The following DCC variants were observed in gnomAD, a reference collection of about 807,000 sequenced individuals.
The protein encoded by DCC is DCC netrin 1 receptor, also known as netrin receptor DCC.
A neutral mutation model predicts 172.5 loss-of-function variants in DCC; 58 were observed. The ratio of observed to expected loss-of-function variants is 0.34; its 90% CI spans 0.27 to 0.42. The LOEUF (loss-of-function observed/expected upper bound fraction) is 0.42. DCC is among the 10% of genes least tolerant of loss of function. The probability of loss-of-function intolerance (pLI) is 1.00; values close to 1 mark genes in which losing one functional copy is unlikely to be tolerated. For missense variants in DCC, 1,740 were observed against 1,791.0 expected, an observed-to-expected ratio of 0.97 and a Z score of 0.51; for synonymous variants, 709 against 644.5, an observed-to-expected ratio of 1.10 and a Z score of -1.52.
intron 26 of DCC, among the ~76,000 whole-genome samples, chr18:53,493,915 T>C (rs1418338727): frequency 6.6e-6 from 1 of 152,234 alleles, no homozygotes; most frequent in African/African-American, 2.4e-5. Context: ...TTAATTGTGA[T>C]GTTATGGTGT....
intron 5 of DCC, among the ~76,000 whole-genome samples, chr18:52,951,864 A>T (rs2040653676): frequency 6.6e-6 from 1 of 152,176 alleles, no homozygotes; most frequent in South Asian, 2.1e-4. Flanking sequence ...TTGGATAGGC[A>T]CCCATGCTTA....
At chr18:52,595,532 T>C (rs1187939159) in intron 1 of DCC, among the ~76,000 whole-genome samples, 1 of 152,186 alleles carries the variant, frequency 6.6e-6, no homozygotes, top group East Asian at 1.9e-4. Flanking sequence ...AAGAAATACA[T>C]TCTTCCCTCA....
At chr18:52,890,917 A>T (rs2039640209) in intron 2 of DCC, among the ~76,000 whole-genome samples, 1 of 152,096 alleles carries the variant, frequency 6.6e-6, no homozygotes, top group African/African-American at 2.4e-5. Context: ...GCTGTTTTAA[A>T]TGTATGTTCT....
intron 1 of DCC, among the ~76,000 whole-genome samples, chr18:52,406,521 G>A (rs1986657678): frequency 6.6e-6 from 1 of 152,066 alleles, no homozygotes; most frequent in Non-Finnish European, 1.5e-5. Context: ...GCCTATGACA[G>A]CATTATTGCT....
intron 10 of DCC, among the ~76,000 whole-genome samples, chr18:53,207,403 G>T (rs983048251): frequency 7.9e-5 from 12 of 152,140 alleles, no homozygotes; most frequent in African/African-American, 2.7e-4. Context: ...TTAGGTGTGG[G>T]TAGAATAACC....
At chr18:53,212,994 A>C (rs1164889970) in intron 11 of DCC, among the ~76,000 whole-genome samples, 2 of 152,084 alleles carry the variant, frequency 1.3e-5, no homozygotes, top group Non-Finnish European at 2.9e-5. Flanking sequence ...CTTAATACAG[A>C]AAACAGCCCT....
intron 1 of DCC, among the ~76,000 whole-genome samples, chr18:52,720,618 C>T (rs1162443773): frequency 6.6e-6 from 1 of 152,204 alleles, no homozygotes; most frequent in Non-Finnish European, 1.5e-5. Context: ...TCTTGGACAA[C>T]AACCTTTGTT....
chr18:52,673,687 G>A (rs1240814412), intron 1 of DCC, among the ~76,000 whole-genome samples: 2 of 152,192 alleles, frequency 1.3e-5, no homozygotes, highest in South Asian at 2.1e-4. Context: ...GACCTTGATG[G>A]TGTAAAGAAG....
intron 5 of DCC, among the ~76,000 whole-genome samples, chr18:53,024,765 T>C (rs989042138): frequency 3.9e-5 from 6 of 152,176 alleles, no homozygotes; most frequent in Non-Finnish European, 8.8e-5. Flanking sequence ...TAGCAAATGT[T>C]AAATTTTTAT....
At chr18:52,804,646 A>T (rs2038055137) in intron 2 of DCC, among the ~76,000 whole-genome samples, 1 of 152,180 alleles carries the variant, frequency 6.6e-6, no homozygotes, top group African/African-American at 2.4e-5. Context: ...CGCTTACTGC[A>T]ACCTCCAACT....
intron 1 of DCC, among the ~76,000 whole-genome samples, chr18:52,750,539 G>A (rs1259480564): frequency 6.6e-6 from 1 of 152,166 alleles, no homozygotes; most frequent in African/African-American, 2.4e-5. Context: ...AGTGGCCAAG[G>A]TGAAAGGAAT....
At chr18:52,669,481 C>A (rs1277988998) in intron 1 of DCC, among the ~76,000 whole-genome samples, 1 of 152,150 alleles carries the variant, frequency 6.6e-6, no homozygotes, top group East Asian at 1.9e-4. Context: ...TCAGCCTATG[C>A]CCAAGAAGGA....
chr18:53,054,373 T>C (rs1479885685), intron 5 of DCC, among the ~76,000 whole-genome samples: 1 of 152,102 alleles, frequency 6.6e-6, no homozygotes, highest in Non-Finnish European at 1.5e-5. Flanking sequence ...TGTGTATATG[T>C]AGGCTCACAC....
intron 11 of DCC, among the ~76,000 whole-genome samples, chr18:53,211,750 T>C (rs961774891): frequency 7.3e-5 from 11 of 151,420 alleles, no homozygotes; most frequent in Admixed American, 5.9e-4. Flanking sequence ...AAAATAAATA[T>C]AAAATAAATA....
chr18:53,101,434 C>A (rs1036863961), intron 7 of DCC, among the ~76,000 whole-genome samples: 8 of 152,014 alleles, frequency 5.3e-5, no homozygotes, highest in African/African-American at 1.9e-4. Flanking sequence ...AATCAGCAGA[C>A]CTTGGGACCC....
intron 1 of DCC, among the ~76,000 whole-genome samples, chr18:52,700,155 C>T (rs1254331925): frequency 1.3e-5 from 2 of 151,330 alleles, no homozygotes; most frequent in South Asian, 2.1e-4. Context: ...CCCACACACA[C>T]ACACATGCAC....
intron 1 of DCC, among the ~76,000 whole-genome samples, chr18:52,562,833 T>A (rs1459560738): frequency 3.9e-5 from 6 of 152,136 alleles, no homozygotes; most frequent in Non-Finnish European, 8.8e-5. Flanking sequence ...TCTCACCATC[T>A]TGCTTAGGCT....
chr18:52,818,404 C>T (rs1440468058), intron 2 of DCC, among the ~76,000 whole-genome samples: 6 of 139,198 alleles, frequency 4.3e-5, no homozygotes, highest in Admixed American at 2.8e-4. Context: ...AGAATGAGAC[C>T]CTGTCTCAAA....
rs2040182279 is a variant in DCC, at chr18:52,925,187, A to G, written c.849-47A>G. 1.9e-6 allele frequency: 3 copies of G among 1,581,886 alleles called. No homozygotes were observed. The South Asian group carries it at 3.3e-5, about 18-fold the overall frequency. ...TTTAAAGCTCTGAGTATCTTGCTTA[A>G]TATATACATATGTTAATTTACTCTG... On this transcript the variant is annotated intron_variant, in intron 4 of 28. Transcript: ENST00000442544.
Sources: gnomAD v4.1 joint callset for allele counts (sites outside exome capture counted in the v4.1 genomes callset) on GRCh38, gnomAD v4.1.1 for gene constraint, MANE v1.5 for transcripts, NCBI Gene and HGNC (gene_info 2026-07-23, HGNC 2026-07-21) for gene names.